Variants in ZNRF3 observed in about 807,000 individuals in gnomAD.
The protein encoded by ZNRF3 is E3 ubiquitin-protein ligase ZNRF3.
Under a neutral mutation model 72.5 loss-of-function variants are expected in ZNRF3, and 23 were observed. That is an observed-to-expected ratio of 0.32 (90% CI 0.23 to 0.45). The LOEUF (loss-of-function observed/expected upper bound fraction) is 0.45. Ranked by LOEUF, ZNRF3 falls within the 20% of genes least tolerant of loss-of-function variation. The pLI, the probability that ZNRF3 is intolerant of heterozygous loss-of-function variation, is 1.00. For synonymous variants in ZNRF3, 610 were observed against 545.3 expected, an observed-to-expected ratio of 1.12 and a Z score of -1.65; for missense variants, 1,169 against 1,272.1, an observed-to-expected ratio of 0.92 and a Z score of 1.23.
Position 29,057,135 on chromosome 22 carries a change from G to C in ZNRF3, c.*3513G>C, listed in dbSNP as rs886663967. The C allele has an allele frequency of 6.6e-6, 1 of 152,086 alleles. No individual in the cohort carries two copies. The highest frequency in any genetic ancestry group is 6.5e-5 in the Admixed American group (1 of 15,272). 9.4% of individuals were successfully genotyped at this position (152,086 alleles called of 1,614,324 possible). ...AAGATTTTGTAATAAAATGGTCTAA[G>C]GGCTCTTTTTCCAACATTACCATTT... On this transcript the variant is annotated 3_prime_UTR_variant, in exon 9 of 9. Transcript: ENST00000544604.
In ZNRF3 at chr22:29,034,015, C is replaced by T. The variant is rs200634426; in HGVS notation, c.427-8480C>T. On this transcript the variant is annotated intron_variant, in intron 2 of 8. Transcript: ENST00000544604. ...TGGGACTCTGGTGCCATTTTGGATTCTCCATGAGCATGGTTTCTGCCCCCT... is the reference window on the plus strand; with the variant it reads ...TGGGACTCTGGTGCCATTTTGGATTTTCCATGAGCATGGTTTCTGCCCCCT... 5.3e-5 allele frequency among the ~76,000 whole-genome samples: 8 copies of T among 152,222 alleles called. No individual in the cohort carries two copies. The East Asian group carries it at 1.3e-3, about 26-fold the overall frequency.
intron 2 of ZNRF3, among the ~76,000 whole-genome samples, chr22:29,020,997 C>T (rs910514899): frequency 2.6e-5 from 4 of 152,092 alleles, no homozygotes; most frequent in Admixed American, 6.5e-5. Flanking sequence ...GGGGTTTCAC[C>T]GTGTTAGCCA....
At chr22:28,938,840 A>G (rs550642990) in intron 1 of ZNRF3, among the ~76,000 whole-genome samples, 1 of 152,332 alleles carries the variant, frequency 6.6e-6, no homozygotes, top group Admixed American at 6.5e-5. Context: ...AAAATCCACT[A>G]GAAGTAAGGC....
chr22:28,932,343 A>C (rs1156538134), intron 1 of ZNRF3, among the ~76,000 whole-genome samples: 1 of 152,070 alleles, frequency 6.6e-6, no homozygotes, highest in East Asian at 1.9e-4. Context: ...GTTGAGTAAG[A>C]ATGTAACTGG....
At chr22:29,016,977 C>A (rs748720372) in intron 2 of ZNRF3, among the ~76,000 whole-genome samples, 2 of 152,224 alleles carry the variant, frequency 1.3e-5, no homozygotes, top group Non-Finnish European at 2.9e-5. Context: ...GACAGCTATT[C>A]TTTGCCCCCA....
chr22:29,018,376 A>G (rs2036473100), intron 2 of ZNRF3: 1 of 212,960 alleles, frequency 4.7e-6, no homozygotes, highest in Admixed American at 5.3e-5. Context: ...TATGATGGTG[A>G]TTCCCTTAAC....
At chr22:28,909,514 C>T (rs1006832215) in intron 1 of ZNRF3, among the ~76,000 whole-genome samples, 6 of 151,998 alleles carry the variant, frequency 3.9e-5, no homozygotes, top group African/African-American at 1.5e-4. Flanking sequence ...ATCAGGTCTG[C>T]ATGCTTATCT....
chr22:29,017,192 G>A (rs116029758), intron 2 of ZNRF3, among the ~76,000 whole-genome samples: 4,386 of 152,310 alleles, frequency 0.029, 106 homozygotes, highest in African/African-American at 0.068. Context: ...GAATTGGAAG[G>A]TTTAATATAA....
intron 1 of ZNRF3, among the ~76,000 whole-genome samples, chr22:28,934,514 C>A (rs900302880): frequency 6.6e-6 from 1 of 152,150 alleles, no homozygotes; most frequent in Non-Finnish European, 1.5e-5. Flanking sequence ...AAAATCTAAA[C>A]AGCGAAAAAG....
intron 2 of ZNRF3, chr22:29,024,986 T>TTTA (rs1343411310): frequency 6.8e-6 from 1 of 147,388 alleles, no homozygotes; most frequent in East Asian, 2.0e-4. Context: ...CTTTTTTTTT[T>TTTA]TTTTTTTTTT....
intron 1 of ZNRF3, among the ~76,000 whole-genome samples, chr22:28,951,759 T>C (rs992248675): frequency 1.6e-4 from 25 of 152,222 alleles, no homozygotes; most frequent in African/African-American, 6.0e-4. Context: ...CAGGGTGACC[T>C]GTGCGCCTGC....
rs76139510 is a variant in ZNRF3 at position 28,934,704 on chromosome 22, G to A, written c.300+50638G>A. Among the ~76,000 whole-genome samples the A allele has an allele frequency of 1.9e-4, 29 of 151,586 alleles. No individual in the cohort carries two copies. In the East Asian group the frequency reaches 5.5e-3, roughly 29 times the overall value. On this transcript the variant is annotated intron_variant, in intron 1 of 8. Transcript: ENST00000544604. ...GTGGTGGCAGATGCCTGTAGTCTGA[G>A]CTACTCCAGAGGCTGAAGCACAAGA...
intron 4 of ZNRF3, among the ~76,000 whole-genome samples, chr22:29,043,963 G>T (rs2037014894): frequency 6.6e-6 from 1 of 152,216 alleles, no homozygotes; most frequent in African/African-American, 2.4e-5. Context: ...TCTTAAGTAT[G>T]TAGAAGAGAC....
In ZNRF3 at chr22:29,030,924, G is replaced by A. The variant is rs1041504582; in HGVS notation, c.427-11571G>A. Among the ~76,000 whole-genome samples, 2 of 152,158 alleles carry A rather than the reference G, an allele frequency of 1.3e-5. No homozygotes were observed. The highest frequency in any genetic ancestry group is 1.3e-4 in the Admixed American group (2 of 15,286). ...CCAGGGAAACCTGGAAGGTCAGGCC[G>A]GGCTGCAGCCAAGCCCTGGAGCGAG... On this transcript the variant is annotated intron_variant, in intron 2 of 8. Coordinates refer to ENST00000544604, the MANE Select transcript of ZNRF3 (RefSeq NM_001206998.2). This position sits in a 1 kb window ranked among gnomAD's most constrained non-coding sequence, Gnocchi z 4.2.
chr22:29,038,796 T>C (rs2036908422), intron 2 of ZNRF3, among the ~76,000 whole-genome samples: 1 of 152,118 alleles, frequency 6.6e-6, no homozygotes, highest in Admixed American at 6.6e-5. Flanking sequence ...GTGCAGGAAA[T>C]ACAAACTGAT....
chr22:29,005,719 A>G (rs2036229657), intron 2 of ZNRF3, among the ~76,000 whole-genome samples: 1 of 152,038 alleles, frequency 6.6e-6, no homozygotes, highest in African/African-American at 2.4e-5. Context: ...CTCACATCTG[A>G]CTGGAGAGAG....
chr22:28,967,436 T>C (rs764663453), intron 1 of ZNRF3, among the ~76,000 whole-genome samples: 1 of 152,200 alleles, frequency 6.6e-6, no homozygotes, highest in Non-Finnish European at 1.5e-5. Context: ...ATGACCCCTG[T>C]CATGAGGTGA....
intron 1 of ZNRF3, among the ~76,000 whole-genome samples, chr22:28,896,152 T>A (rs2033991512): frequency 1.3e-5 from 2 of 152,102 alleles, no homozygotes; most frequent in Admixed American, 6.5e-5. Context: ...TTTATCTTTT[T>A]GAGACGGAGT....
At chr22:28,890,917 C>T (rs1280360964) in intron 1 of ZNRF3, among the ~76,000 whole-genome samples, 1 of 151,932 alleles carries the variant, frequency 6.6e-6, no homozygotes, top group African/African-American at 2.4e-5. Context: ...GCCACCATAC[C>T]GAGCTAATTT....
Sources: allele counts gnomAD v4.1 joint callset (sites outside exome capture counted in the v4.1 genomes callset), GRCh38; gene constraint gnomAD v4.1.1; non-coding constraint Gnocchi (gnomAD v3.1); transcripts MANE v1.5; gene names NCBI Gene and HGNC (gene_info 2026-07-23, HGNC 2026-07-21).